The following SOX6 variants were observed in gnomAD, a reference collection of about 807,000 sequenced individuals.
SOX6 encodes the protein SRY-box transcription factor 6, also known as transcription factor SOX-6.
SOX6 carries 11 observed loss-of-function variants against 97.8 expected under a neutral mutation model. The ratio of observed to expected loss-of-function variants is 0.11; its 90% confidence interval spans 0.07 to 0.19. The LOEUF is 0.19. Among genes scored for constraint, SOX6 ranks in the 10% least tolerant of loss-of-function variants. SOX6 has a pLI of 1.00. For missense variants in SOX6, 810 were observed against 1,039.5 expected, an observed-to-expected ratio of 0.78 and a Z score of 3.04; for synonymous variants, 360 against 371.4, an observed-to-expected ratio of 0.97 and a Z score of 0.35.
At chr11:15,976,771 G>A (rs1299258405) in intron 15 of SOX6, among the ~76,000 whole-genome samples, 2 of 152,116 alleles carry the variant, frequency 1.3e-5, no homozygotes, top group African/African-American at 4.8e-5. Flanking sequence ...ATTTGGTTCT[G>A]TATAACCCTT....
At chr11:16,443,076 C>T (rs1590205568) in intron 1 of SOX6, among the ~76,000 whole-genome samples, 2 of 152,180 alleles carry the variant, frequency 1.3e-5, no homozygotes, top group Admixed American at 1.3e-4. Flanking sequence ...GGTGCATTTA[C>T]AAATATTATA....
intron 4 of SOX6, among the ~76,000 whole-genome samples, chr11:16,198,729 T>TA (rs1451740402): frequency 1.3e-5 from 2 of 152,102 alleles, no homozygotes; most frequent in African/African-American, 2.4e-5. Flanking sequence ...TCATTGCTTG[T>TA]AAAAAAATTA....
intron 7 of SOX6, 72 bp from the exon 8 acceptor site, chr11:16,097,760 T>G: frequency 7.4e-7 from 1 of 1,360,494 alleles, no homozygotes; most frequent in Non-Finnish European, 1.1e-6. Context: ...ACAAACATGG[T>G]CCTTGGATTG....
chr11:16,496,793 GC>G (rs1404967414), intron 4 of SOX6, among the ~76,000 whole-genome samples: 4 of 152,204 alleles, frequency 2.6e-5, no homozygotes, highest in Admixed American at 6.5e-5. Context: ...CACTGCTGAG[GC>G]TTGAGTAGGT....
intron 4 of SOX6, among the ~76,000 whole-genome samples, chr11:16,554,140 T>G (rs1228175867): frequency 6.6e-6 from 1 of 152,126 alleles, no homozygotes; most frequent in Non-Finnish European, 1.5e-5. Flanking sequence ...AACTTGAGTC[T>G]TGTTATTCCC....
chr11:15,975,737 G>A (rs554100367), intron 15 of SOX6, among the ~76,000 whole-genome samples: 15 of 152,146 alleles, frequency 9.9e-5, no homozygotes, highest in East Asian at 3.9e-4. Context: ...TCAAGGCCAC[G>A]CAAGTACCAT....
intron 1 of SOX6, among the ~76,000 whole-genome samples, chr11:16,460,727 G>C (rs1477537848): frequency 6.6e-6 from 1 of 152,000 alleles, no homozygotes; most frequent in Non-Finnish European, 1.5e-5. Context: ...CTTTATCTGA[G>C]AGAGTTTTAA....
intron 5 of SOX6, among the ~76,000 whole-genome samples, chr11:16,186,417 C>A (rs1328424675): frequency 6.6e-6 from 1 of 152,136 alleles, no homozygotes; most frequent in African/African-American, 2.4e-5. Flanking sequence ...TGGAACAGAA[C>A]CCCCTTTTTC....
chr11:16,562,941 G>A (rs975688341), intron 4 of SOX6, among the ~76,000 whole-genome samples: 2 of 152,200 alleles, frequency 1.3e-5, no homozygotes, highest in Non-Finnish European at 2.9e-5. Flanking sequence ...TTCCCTTACT[G>A]AACCAGTGTT....
chr11:16,322,771 G>A lies in SOX6; in HGVS notation c.238-4118C>T, dbSNP rs183988070. 2.6e-4 allele frequency among the ~76,000 whole-genome samples: 39 copies of A among 152,256 alleles called. No individual in the cohort carries two copies. In the East Asian group the frequency reaches 4.4e-3, roughly 17 times the overall value. On this transcript the variant is annotated intron_variant, in intron 2 of 15. Coordinates refer to ENST00000683767, the MANE Select transcript of SOX6 (RefSeq NM_001367873.1). ...CAACTGATTCCGATGCACAGGTCCT[G>A]ATCCCACTTTAAGAAATACTGCTCC... is the stretch of plus-strand genomic sequence containing the variant.
chr11:16,737,637 T>C (rs1848402784), intron 1 of SOX6, among the ~76,000 whole-genome samples: 1 of 152,034 alleles, frequency 6.6e-6, no homozygotes, highest in Non-Finnish European at 1.5e-5. Flanking sequence ...CTTAATAAAG[T>C]AGGAGATAGT....
intron 6 of SOX6, among the ~76,000 whole-genome samples, chr11:16,171,457 T>C (rs1184614484): frequency 6.6e-6 from 1 of 152,034 alleles, no homozygotes; most frequent in Non-Finnish European, 1.5e-5. Context: ...ACGTGTCTGG[T>C]TATTAAAAAA....
Position 16,636,877 on chromosome 11 carries a change from T to C in SOX6, n.430-24617A>G, listed in dbSNP as rs748288506. ...TGTTTGCTTCCCCTTCTGCCATGAGTGTAAGTTTCCTGAGGCCTACCCAGC... is the reference window on the plus strand; with the variant it reads ...TGTTTGCTTCCCCTTCTGCCATGAGCGTAAGTTTCCTGAGGCCTACCCAGC... On this transcript the variant is annotated intron_variant and non_coding_transcript_variant, in intron 3 of 5. Coordinates refer to the SOX6 transcript ENST00000524520. Among the ~76,000 whole-genome samples, 94 of 152,264 alleles carry C rather than the reference T, an allele frequency of 6.2e-4. 1 individual carries two copies. Among genetic ancestry groups the C allele is most frequent in the Non-Finnish European group, 1.2e-3 (81 of 68,010 alleles).
intron 3 of SOX6, among the ~76,000 whole-genome samples, chr11:16,305,280 T>C (rs975682177): frequency 6.6e-6 from 1 of 152,194 alleles, no homozygotes; most frequent in Non-Finnish European, 1.5e-5. Flanking sequence ...CCTACAAGGA[T>C]ACATATATGG....
chr11:16,510,557 A>G (rs1370435872), intron 4 of SOX6, among the ~76,000 whole-genome samples: 2 of 152,082 alleles, frequency 1.3e-5, no homozygotes, highest in African/African-American at 4.8e-5. Flanking sequence ...TTTTAAAGCA[A>G]GGGCAATTTA....
intron 3 of SOX6, among the ~76,000 whole-genome samples, chr11:16,659,534 C>T (rs781583414): frequency 6.6e-5 from 10 of 152,128 alleles, no homozygotes; most frequent in Non-Finnish European, 1.5e-4. Context: ...TCCATGTAAA[C>T]TTTAGAATCA....
chr11:16,620,182 C>T (rs917024150), intron 3 of SOX6, among the ~76,000 whole-genome samples: 11 of 152,288 alleles, frequency 7.2e-5, no homozygotes, highest in Middle Eastern at 3.4e-3. Flanking sequence ...TGTAAAACTA[C>T]TTTGGTTTTC....
intron 4 of SOX6, among the ~76,000 whole-genome samples, chr11:16,511,484 A>G (rs1294647827): frequency 1.3e-5 from 2 of 152,180 alleles, no homozygotes; most frequent in Non-Finnish European, 2.9e-5. Flanking sequence ...GATGTTTTTT[A>G]TATTCCCAGG....
Position 16,046,617 on chromosome 11 carries a change from C to T in SOX6, c.1520G>A (p.Arg507Gln), listed in dbSNP as rs1229237263. ...CTGTTGCTCCCGCTGGATCTGCTCT[C>T]GCATCTTCCGCGCCTCCTGAATGGC... ...MKAIQEARKMREQIQREQQQQ... is the reference protein window; with the variant it reads ...MKAIQEARKMQEQIQREQQQQ... Residue 507 changes from arginine to glutamine, a missense_variant, in exon 12 of 16, where the codon CGA becomes CAA. This residue lies in a region of SOX6 where 120 missense variants were observed against 127.0 expected (regional missense o/e 0.94). Transcript: ENST00000683767. 61 of 1,613,680 alleles carry T rather than the reference C, an allele frequency of 3.8e-5. No individual in the cohort carries two copies. Among genetic ancestry groups the T allele is most frequent in the Admixed American group, 8.3e-5 (5 of 59,948 alleles).
Sources: gnomAD v4.1 joint callset for allele counts (sites outside exome capture counted in the v4.1 genomes callset) on GRCh38, gnomAD v4.1.1 for gene constraint, gnomAD v4.1.1 regional missense constraint, MANE v1.5 for transcripts, NCBI Gene and HGNC (gene_info 2026-07-23, HGNC 2026-07-21) for gene names.